Variants in MACROD1 observed in about 807,000 individuals in gnomAD.
MACROD1 encodes the protein mono-ADP ribosylhydrolase 1.
Under a neutral mutation model 41.4 loss-of-function variants are expected in MACROD1, and 31 were observed. That is an observed-to-expected ratio of 0.75 (90% CI 0.56 to 1.01). The LOEUF (loss-of-function observed/expected upper bound fraction) is 1.01, where lower values mean the gene tolerates loss of function less well. MACROD1 is among the 50% of genes least tolerant of loss of function. The pLI, the probability that MACROD1 is intolerant of heterozygous loss-of-function variation, is 0.00. For synonymous variants in MACROD1, 252 were observed against 203.4 expected, an observed-to-expected ratio of 1.24 and a Z score of -2.03; for missense variants, 473 against 460.0, an observed-to-expected ratio of 1.03 and a Z score of -0.26.
At chr11:64,016,667 A>G (rs1943085702) in intron 3 of MACROD1, among the ~76,000 whole-genome samples, 3 of 152,260 alleles carry the variant, frequency 2.0e-5, no homozygotes. Flanking sequence ...CCAAAAACCC[A>G]GGGCTGCAAG....
At chr11:64,049,922 G>C (rs554226405) in intron 3 of MACROD1, among the ~76,000 whole-genome samples, 21 of 152,200 alleles carry the variant, frequency 1.4e-4, no homozygotes, top group African/African-American at 5.1e-4. Flanking sequence ...TGTGGCCCCG[G>C]GGGGGAGGCC....
At chr11:64,013,758 C>T (rs1943045764) in intron 4 of MACROD1, among the ~76,000 whole-genome samples, 1 of 152,204 alleles carries the variant, frequency 6.6e-6, no homozygotes, top group African/African-American at 2.4e-5. Context: ...CTCCCCACCT[C>T]TTGGCTGGGC....
In MACROD1 at chr11:64,117,722, G is replaced by A. The variant is rs561982463; in HGVS notation, c.517+33517C>T. 22 of 1,613,748 alleles carry A rather than the reference G, an allele frequency of 1.4e-5. No homozygotes were observed. In the Admixed American group the frequency reaches 3.3e-4, roughly 24 times the overall value. ...TGGGCTCCATCACGGAGACCTTGGT[G>A]CAGGGGGACAAGACAGAGTACCTGC... On this transcript the variant is annotated intron_variant, in intron 3 of 10. Coordinates refer to ENST00000255681, the MANE Select transcript of MACROD1 (RefSeq NM_014067.4).
chr11:64,128,349 C>T (rs1365602333), intron 3 of MACROD1, among the ~76,000 whole-genome samples: 1 of 152,176 alleles, frequency 6.6e-6, no homozygotes, highest in East Asian at 1.9e-4. Context: ...GCCAGCCAGC[C>T]AGGAGATATT....
intron 3 of MACROD1, among the ~76,000 whole-genome samples, chr11:64,092,472 G>A (rs892265771): frequency 6.6e-6 from 1 of 152,238 alleles, no homozygotes; most frequent in African/African-American, 2.4e-5. Flanking sequence ...GAGAGGTTGA[G>A]GTTGGGTGTG....
intron 3 of MACROD1, among the ~76,000 whole-genome samples, chr11:64,150,726 C>T (rs1219524141): frequency 6.6e-6 from 1 of 152,230 alleles, no homozygotes; most frequent in Non-Finnish European, 1.5e-5. Flanking sequence ...TCACAATAAA[C>T]TGCCAAGCCA....
intron 3 of MACROD1, among the ~76,000 whole-genome samples, chr11:64,055,916 G>T (rs1943777003): frequency 6.6e-6 from 1 of 152,214 alleles, no homozygotes; most frequent in Non-Finnish European, 1.5e-5. Context: ...GCAGGTGAGG[G>T]ACAGATGCCA....
chr11:64,091,906 T>C (rs1341684674), intron 3 of MACROD1, among the ~76,000 whole-genome samples: 1 of 152,188 alleles, frequency 6.6e-6, no homozygotes, highest in East Asian at 1.9e-4. Flanking sequence ...CACTCTTCTC[T>C]GTGTCCCGAG....
intron 3 of MACROD1, among the ~76,000 whole-genome samples, chr11:64,108,942 G>A (rs1944811597): frequency 6.6e-6 from 1 of 152,208 alleles, no homozygotes; most frequent in Admixed American, 6.5e-5. Context: ...ACAGAGGCAG[G>A]CAGGTGGGCA....
chr11:64,009,399 G>T (rs1296019190), intron 4 of MACROD1, among the ~76,000 whole-genome samples: 1 of 152,166 alleles, frequency 6.6e-6, no homozygotes, highest in Non-Finnish European at 1.5e-5. Flanking sequence ...TTCCCCCTGG[G>T]GGGCCCGTCC....
At chr11:64,048,128 C>T (rs899876794) in intron 3 of MACROD1, among the ~76,000 whole-genome samples, 10 of 152,156 alleles carry the variant, frequency 6.6e-5, no homozygotes, top group Admixed American at 2.0e-4. Flanking sequence ...GAAGCAGGGC[C>T]GGGCAGGGGC....
At chr11:64,011,258 A>G (rs1268060482) in intron 4 of MACROD1, among the ~76,000 whole-genome samples, 18 of 95,710 alleles carry the variant, frequency 1.9e-4, no homozygotes, top group African/African-American at 3.8e-4. Flanking sequence ...TTGCTGGTGT[A>G]TTGTTTGGGG....
chr11:64,149,394 C>A (rs1261318052), intron 3 of MACROD1, among the ~76,000 whole-genome samples: 2 of 152,154 alleles, frequency 1.3e-5, no homozygotes, highest in Non-Finnish European at 2.9e-5. Context: ...GCCAGCACTG[C>A]CCCAGCCCTG....
chr11:64,066,283 C>T (rs1450004174), intron 3 of MACROD1, among the ~76,000 whole-genome samples: 21 of 118,408 alleles, frequency 1.8e-4, no homozygotes, highest in Non-Finnish European at 2.7e-4. Context: ...GGTGACAGAG[C>T]GAGACTGTCT....
intron 3 of MACROD1, among the ~76,000 whole-genome samples, chr11:64,138,733 C>T (rs960961017): frequency 1.2e-4 from 18 of 151,570 alleles, no homozygotes; most frequent in African/African-American, 4.1e-4. Context: ...GTTCAAGGGC[C>T]ACTTGTTGCC....
chr11:64,002,635 C>T (rs973226100), intron 4 of MACROD1, among the ~76,000 whole-genome samples: 4 of 152,174 alleles, frequency 2.6e-5, no homozygotes, highest in African/African-American at 2.4e-5. Context: ...CCAGCCTTCT[C>T]GCTCTCTCCC....
At chr11:64,132,760 A>C (rs1257767906) in intron 3 of MACROD1, among the ~76,000 whole-genome samples, 1 of 152,154 alleles carries the variant, frequency 6.6e-6, no homozygotes, top group Non-Finnish European at 1.5e-5. Context: ...GATTTCCTGA[A>C]GGGGCGCCCA....
chr11:64,035,601 G>A (rs1029705769), intron 3 of MACROD1, among the ~76,000 whole-genome samples: 2 of 147,540 alleles, frequency 1.4e-5, no homozygotes, highest in African/African-American at 2.5e-5. Flanking sequence ...TTAGCCGAGG[G>A]CGGGGGAGGG....
At chr11:64,132,619 T>A (rs1036937426) in intron 3 of MACROD1, among the ~76,000 whole-genome samples, 3 of 152,186 alleles carry the variant, frequency 2.0e-5, no homozygotes, top group Non-Finnish European at 4.4e-5. Context: ...TGTGCTCTAT[T>A]GAGCCCGCGG....
Sources: gnomAD v4.1 joint callset for allele counts (sites outside exome capture counted in the v4.1 genomes callset) on GRCh38, gnomAD v4.1.1 for gene constraint, MANE v1.5 for transcripts, NCBI Gene and HGNC (gene_info 2026-07-23, HGNC 2026-07-21) for gene names.